Variants in MTFR1 observed in about 807,000 individuals in gnomAD.
MTFR1 encodes mitochondrial fission regulator 1, also known as chondrocyte protein with a poly-proline region.
MTFR1 carries 28 observed loss-of-function variants against 38.8 expected under a neutral mutation model. That is an observed-to-expected ratio of 0.72 (90% CI 0.53 to 0.99). The LOEUF (loss-of-function observed/expected upper bound fraction) is 0.99. MTFR1 is among the 50% of genes least tolerant of loss of function. MTFR1 has a pLI of 0.00. For missense variants in MTFR1, 358 were observed against 395.5 expected, an observed-to-expected ratio of 0.91 and a Z score of 0.81; for synonymous variants, 145 against 137.0, an observed-to-expected ratio of 1.06 and a Z score of -0.41.
chr8:65,751,826 C>T (rs1364642010), intron 3 of MTFR1, among the ~76,000 whole-genome samples: 1 of 152,174 alleles, frequency 6.6e-6, no homozygotes, highest in Non-Finnish European at 1.5e-5. Flanking sequence ...TATATAGAAA[C>T]ATATTATTTT....
chr8:65,737,773 C>A, intron 3 of MTFR1, among the ~76,000 whole-genome samples: 1 of 152,320 alleles, frequency 6.6e-6, no homozygotes. Flanking sequence ...CCTGCCTCAG[C>A]CTCCCAAAGT....
intron 3 of MTFR1, among the ~76,000 whole-genome samples, chr8:65,754,087 C>T (rs1808099574): frequency 1.3e-5 from 2 of 152,106 alleles, no homozygotes; most frequent in Non-Finnish European, 2.9e-5. Flanking sequence ...GCAAGGAAAG[C>T]AAGTCTGAGT....
intron 1 of MTFR1, among the ~76,000 whole-genome samples, chr8:65,659,669 T>C (rs1025898615): frequency 7.9e-5 from 12 of 152,066 alleles, no homozygotes; most frequent in Admixed American, 2.0e-4. Flanking sequence ...AGGAAGCGGG[T>C]AGGCTGTTTA....
chr8:65,765,284 T>TA (rs1198700151), intron 3 of MTFR1, among the ~76,000 whole-genome samples: 1 of 150,782 alleles, frequency 6.6e-6, no homozygotes, highest in Admixed American at 6.6e-5. Context: ...GGTCAGGAGA[T>TA]CGAGACCATC....
intron 2 of MTFR1, among the ~76,000 whole-genome samples, chr8:65,715,618 T>C (rs1297565909): frequency 2.7e-5 from 4 of 148,890 alleles, no homozygotes; most frequent in Admixed American, 6.6e-5. Context: ...CCTCAGGTGA[T>C]CCACCCACCT....
intron 2 of MTFR1, among the ~76,000 whole-genome samples, chr8:65,677,615 C>T (rs924160844): frequency 4.0e-5 from 6 of 151,168 alleles, no homozygotes; most frequent in South Asian, 2.1e-4. Context: ...CTCCTGAGCT[C>T]GTGACCCGCC....
At chr8:65,742,077 G>C (rs1046225049) in intron 3 of MTFR1, among the ~76,000 whole-genome samples, 3 of 152,148 alleles carry the variant, frequency 2.0e-5, no homozygotes, top group Non-Finnish European at 2.9e-5. Context: ...TTCAAAACAA[G>C]AGATGCTCAG....
intron 1 of MTFR1, among the ~76,000 whole-genome samples, chr8:65,668,343 A>T (rs1246953919): frequency 3.5e-5 from 2 of 56,378 alleles, no homozygotes; most frequent in Admixed American, 1.8e-4. Flanking sequence ...ACACCCAGCT[A>T]ATTTTTTTTT....
intron 3 of MTFR1, among the ~76,000 whole-genome samples, chr8:65,730,492 A>T (rs566944528): frequency 6.6e-6 from 1 of 152,070 alleles, no homozygotes; most frequent in South Asian, 2.1e-4. Context: ...CACACTTCTT[A>T]TAAGAATCTA....
At chr8:65,646,812 A>T (rs972441628) in intron 1 of MTFR1, among the ~76,000 whole-genome samples, 1 of 152,244 alleles carries the variant, frequency 6.6e-6, no homozygotes, top group Non-Finnish European at 1.5e-5. Context: ...TTGGATATTA[A>T]TACTAAATAT....
chr8:65,668,482 C>T (rs2129050823), intron 1 of MTFR1, among the ~76,000 whole-genome samples: 1 of 150,996 alleles, frequency 6.6e-6, no homozygotes, highest in Middle Eastern at 3.4e-3. Context: ...GCCACCGCAC[C>T]CAGCCTTTAA....
chr8:65,716,492 A>G (rs1188499376), intron 2 of MTFR1, among the ~76,000 whole-genome samples: 1 of 152,094 alleles, frequency 6.6e-6, no homozygotes, highest in African/African-American at 2.4e-5. Flanking sequence ...GGAAGAGGGT[A>G]CCCTGGTCCA....
chr8:65,739,235 T>C (rs1483017688), intron 3 of MTFR1, among the ~76,000 whole-genome samples: 1 of 152,246 alleles, frequency 6.6e-6, no homozygotes, highest in East Asian at 1.9e-4. Context: ...TCAGGCCTGG[T>C]ATCCTAGCTG....
intron 2 of MTFR1, among the ~76,000 whole-genome samples, chr8:65,674,990 T>C (rs1292503378): frequency 6.6e-6 from 1 of 152,160 alleles, no homozygotes; most frequent in Non-Finnish European, 1.5e-5. Context: ...TGTTAATGTT[T>C]ATTAAAAGCA....
At chr8:65,768,170 AAC>A (rs1808891305) in intron 3 of MTFR1, among the ~76,000 whole-genome samples, 2 of 152,198 alleles carry the variant, frequency 1.3e-5, no homozygotes, top group South Asian at 2.1e-4. Context: ...GCAGAGGGAA[AAC>A]ACAGTTTGAG....
chr8:65,706,665 TATGTA>T (rs1563458580), intron 5 of MTFR1, among the ~76,000 whole-genome samples: 1 of 152,246 alleles, frequency 6.6e-6, no homozygotes, highest in African/African-American at 2.4e-5. Context: ...TGTCAAATTG[TATGTA>T]ATGTAGACTT....
At chr8:65,731,200 T>C (rs1806872913) in intron 3 of MTFR1, among the ~76,000 whole-genome samples, 1 of 152,194 alleles carries the variant, frequency 6.6e-6, no homozygotes, top group African/African-American at 2.4e-5. Context: ...CTTACTCATA[T>C]TTTTGTCACT....
intron 5 of MTFR1, among the ~76,000 whole-genome samples, chr8:65,705,352 C>T (rs1326757797): frequency 6.6e-6 from 1 of 152,086 alleles, no homozygotes; most frequent in African/African-American, 2.4e-5. Context: ...ACAAAAAAAC[C>T]AGGTGTCAGT....
chr8:65,754,611 C>T (rs567020981), intron 3 of MTFR1, among the ~76,000 whole-genome samples: 1 of 149,936 alleles, frequency 6.7e-6, no homozygotes, highest in African/African-American at 2.4e-5. Flanking sequence ...GCTGGGATTA[C>T]AGGCTGAGCC....
Sources: gnomAD v4.1 joint callset for allele counts (sites outside exome capture counted in the v4.1 genomes callset) on GRCh38, gnomAD v4.1.1 for gene constraint, MANE v1.5 for transcripts, NCBI Gene and HGNC (gene_info 2026-07-23, HGNC 2026-07-21) for gene names.